The following ADARB1 variants were observed in gnomAD, a reference collection of about 807,000 sequenced individuals.
ADARB1 encodes double-stranded RNA-specific editase 1.
A neutral mutation model predicts 52.4 loss-of-function variants in ADARB1; 10 were observed. That is an observed-to-expected ratio of 0.19 (90% CI 0.12 to 0.32). The LOEUF (loss-of-function observed/expected upper bound fraction) is 0.32. Among genes scored for constraint, ADARB1 ranks in the 10% least tolerant of loss-of-function variants. ADARB1 has a pLI of 1.00. For synonymous variants in ADARB1, 349 were observed against 371.1 expected, an observed-to-expected ratio of 0.94 and a Z score of 0.68; for missense variants, 643 against 922.3, an observed-to-expected ratio of 0.70 and a Z score of 3.92.
rs1329958834 is a variant in ADARB1 at position 45,143,893 on chromosome 21, C to CCT, written c.-48+15321_-48+15322dup. Among the ~76,000 whole-genome samples, 7 of 152,346 alleles carry CCT rather than the reference C, an allele frequency of 4.6e-5. 1 individual carries two copies. The highest frequency in any genetic ancestry group is 4.6e-4 in the Admixed American group (7 of 15,298). On this transcript the variant is annotated intron_variant, in intron 2 of 10. Transcript: ENST00000348831. ...CCTAGAATAACAGCCACTGTTGTCC[C>CCT]CTGACACTTGACGGCAGTTCATCTT...
At chr21:45,098,943 T>C (rs780026389) in intron 1 of ADARB1, among the ~76,000 whole-genome samples, 9 of 152,208 alleles carry the variant, frequency 5.9e-5, no homozygotes, top group Non-Finnish European at 1.2e-4. Flanking sequence ...CTTAGTATTC[T>C]AGGTTTATAA....
At chr21:45,189,636 T>C (rs1176517833) in intron 8 of ADARB1, among the ~76,000 whole-genome samples, 3 of 152,224 alleles carry the variant, frequency 2.0e-5, no homozygotes. Context: ...AGTGGTAATG[T>C]ACTCCCTCTA....
intron 1 of ADARB1, among the ~76,000 whole-genome samples, chr21:45,111,740 T>C (rs2087545472): frequency 6.6e-6 from 1 of 152,266 alleles, no homozygotes; most frequent in Non-Finnish European, 1.5e-5. Context: ...AGTACTCTGC[T>C]GTTTGACCAT....
intron 2 of ADARB1, among the ~76,000 whole-genome samples, chr21:45,154,572 A>G (rs1009488353): frequency 2.6e-5 from 4 of 152,212 alleles, no homozygotes; most frequent in African/African-American, 9.6e-5. Context: ...ACAATGTAGT[A>G]GCAAGTTACG....
At chr21:45,219,438 C>T (rs1014185041) in intron 9 of ADARB1, among the ~76,000 whole-genome samples, 3 of 152,148 alleles carry the variant, frequency 2.0e-5, no homozygotes, top group Non-Finnish European at 4.4e-5. Flanking sequence ...GCAGGAGAAT[C>T]GCTTGAACCC....
intron 1 of ADARB1, among the ~76,000 whole-genome samples, chr21:45,104,785 G>C (rs1018953342): frequency 6.6e-6 from 1 of 152,220 alleles, no homozygotes; most frequent in Non-Finnish European, 1.5e-5. Context: ...CTGCTGTCCT[G>C]GGTGGCCTCA....
intron 1 of ADARB1, among the ~76,000 whole-genome samples, chr21:45,102,101 A>G (rs887611758): frequency 6.6e-5 from 10 of 152,190 alleles, no homozygotes; most frequent in African/African-American, 1.4e-4. Context: ...TGTGTTGCCC[A>G]GGCTAGACTT....
intron 2 of ADARB1, among the ~76,000 whole-genome samples, chr21:45,131,787 G>T (rs419322): frequency 6.6e-6 from 1 of 152,130 alleles, no homozygotes; most frequent in Non-Finnish European, 1.5e-5. Flanking sequence ...GGCTCTTGGG[G>T]CCAGAAGGAA....
chr21:45,164,587 G>A (rs949943049), intron 2 of ADARB1, among the ~76,000 whole-genome samples: 3 of 152,140 alleles, frequency 2.0e-5, no homozygotes, highest in African/African-American at 7.2e-5. Context: ...TGAGCAGTAA[G>A]GTGGGGTCTG....
At chr21:45,089,582 T>C (rs2086483066) in intron 1 of ADARB1, among the ~76,000 whole-genome samples, 1 of 152,228 alleles carries the variant, frequency 6.6e-6, no homozygotes, top group Non-Finnish European at 1.5e-5. Context: ...TAATTTCTTC[T>C]AATAGTTTTA....
At chr21:45,216,342 G>A (rs987435075) in intron 9 of ADARB1, among the ~76,000 whole-genome samples, 3 of 150,838 alleles carry the variant, frequency 2.0e-5, no homozygotes, top group Admixed American at 6.6e-5. Context: ...TTTTTTTTCC[G>A]CTTACCTGGT....
chr21:45,120,250 G>A (rs770937293), intron 1 of ADARB1, among the ~76,000 whole-genome samples: 11 of 152,206 alleles, frequency 7.2e-5, no homozygotes, highest in African/African-American at 1.2e-4. Context: ...GGCCTCTACC[G>A]CACGGACAAG....
chr21:45,156,726 C>A (rs547943319), intron 2 of ADARB1, among the ~76,000 whole-genome samples: 1 of 152,270 alleles, frequency 6.6e-6, no homozygotes, highest in East Asian at 1.9e-4. Context: ...TCATTACACC[C>A]TTCTCTGCAT....
chr21:45,137,822 A>G (rs2089478007), intron 2 of ADARB1, among the ~76,000 whole-genome samples: 1 of 152,034 alleles, frequency 6.6e-6, no homozygotes, highest in Non-Finnish European at 1.5e-5. Context: ...AAGTCTGGAA[A>G]GCTGGGTTTG....
At chr21:45,214,755 T>G (rs987519290) in intron 9 of ADARB1, among the ~76,000 whole-genome samples, 1 of 152,356 alleles carries the variant, frequency 6.6e-6, no homozygotes, top group East Asian at 1.9e-4. Flanking sequence ...TAAAGGCCAG[T>G]ATTACATTGT....
intron 2 of ADARB1, among the ~76,000 whole-genome samples, chr21:45,161,992 T>C (rs1601690065): frequency 6.6e-6 from 1 of 152,314 alleles, no homozygotes; most frequent in East Asian, 1.9e-4. Flanking sequence ...ACGCACCTCA[T>C]TCTTCCTGGA....
chr21:45,197,499 CAAAA>C (rs58085027), intron 8 of ADARB1, among the ~76,000 whole-genome samples: 2 of 113,680 alleles, frequency 1.8e-5, no homozygotes, highest in Non-Finnish European at 2.0e-5. Flanking sequence ...GACTCTGTCT[CAAAA>C]AAAAAAAAAA....
intron 1 of ADARB1, among the ~76,000 whole-genome samples, chr21:45,096,618 G>A (rs371888906): frequency 1.3e-5 from 2 of 152,218 alleles, no homozygotes; most frequent in East Asian, 1.9e-4. Flanking sequence ...GTACTTCCTC[G>A]AGGCCTCCCT....
intron 2 of ADARB1, among the ~76,000 whole-genome samples, chr21:45,164,107 C>T (rs1232096373): frequency 4.6e-5 from 7 of 152,142 alleles, no homozygotes; most frequent in Non-Finnish European, 8.8e-5. Flanking sequence ...AACACATGGC[C>T]CTGTTTTAAA....
Sources: allele counts gnomAD v4.1 joint callset (sites outside exome capture counted in the v4.1 genomes callset), GRCh38; gene constraint gnomAD v4.1.1; transcripts MANE v1.5; gene names NCBI Gene and HGNC (gene_info 2026-07-23, HGNC 2026-07-21).